CELF5: variants seen among roughly 807,000 people sequenced by gnomAD.
CELF5 encodes the protein CUG-BP and ETR-3 like factor 5.
In CELF5, 6 loss-of-function variants were observed where a neutral mutation model predicts 54.9. That is an observed-to-expected ratio of 0.11 (90% confidence interval 0.06 to 0.22). The LOEUF (loss-of-function observed/expected upper bound fraction) is 0.22, where lower values mean the gene tolerates loss of function less well. Among genes scored for constraint, CELF5 ranks in the 10% least tolerant of loss-of-function variants. The pLI is 1.00. For missense variants in CELF5, 401 were observed against 678.6 expected, an observed-to-expected ratio of 0.59 and a Z score of 4.54; for synonymous variants, 271 against 290.9, an observed-to-expected ratio of 0.93 and a Z score of 0.70.
At chr19:3,270,239 G>C (rs926643494) in intron 2 of CELF5, among the ~76,000 whole-genome samples, 1 of 152,148 alleles carries the variant, frequency 6.6e-6, no homozygotes. Context: ...CTCAGCCTTG[G>C]GGGCCCCAGA....
At chr19:3,257,905 A>C (rs2079754092) in intron 2 of CELF5, among the ~76,000 whole-genome samples, 1 of 149,318 alleles carries the variant, frequency 6.7e-6, no homozygotes, top group Non-Finnish European at 1.5e-5. Flanking sequence ...TGCAGCTTTG[A>C]CCTCCCACCT....
At chr19:3,289,681 CAAAAAAAAAAAAAAAAAAA>C (rs35144942) in intron 10 of CELF5, among the ~76,000 whole-genome samples, 5 of 47,134 alleles carry the variant, frequency 1.1e-4, no homozygotes, top group East Asian at 2.0e-3. Context: ...GACTCCATCT[CAAAAAAAAAAAAAAAAAAA>C]AAAAAAAAAA....
In CELF5 at chr19:3,250,179, G is replaced by A. The variant is rs1284943443; in HGVS notation, c.260-806G>A. 5.9e-5 allele frequency among the ~76,000 whole-genome samples: 9 copies of A among 152,130 alleles called. No homozygotes were observed. The South Asian group carries it at 1.5e-3, about 25-fold the overall frequency. ...AGATATACACAACTTCAAATGTACC[G>A]TCTTAACCATTTTAAATGCATGGTT... is the stretch of plus-strand genomic sequence containing the variant. On this transcript the variant is annotated intron_variant, in intron 1 of 12. Coordinates refer to ENST00000292672, the MANE Select transcript of CELF5 (RefSeq NM_021938.4).
intron 8 of CELF5, 94 bp from the exon 9 acceptor site, chr19:3,284,808 G>T: frequency 9.5e-7 from 1 of 1,049,746 alleles, no homozygotes; most frequent in Non-Finnish European, 1.5e-6. Flanking sequence ...GCTGGGCGGG[G>T]TGTTTGTTGC....
At chr19:3,230,307 G>T (rs1037350374) in intron 1 of CELF5, among the ~76,000 whole-genome samples, 6 of 152,140 alleles carry the variant, frequency 3.9e-5, no homozygotes, top group African/African-American at 1.4e-4. Context: ...ATGGGGCTTT[G>T]AAGGATCGAC....
At position 3,286,006 on chromosome 19, in the gene CELF5, G is replaced by T. The variant is rs1258709844; in HGVS notation, c.1167G>T (p.Leu389=). 1 of 1,573,388 alleles carries T rather than the reference G, an allele frequency of 6.4e-7. No homozygotes were observed. The highest frequency in any genetic ancestry group is 8.6e-7 in the Non-Finnish European group (1 of 1,167,278). The change falls in exon 10 of 13, where the codon CTG becomes CTT. Residue 389 remains leucine, a synonymous_variant. Coordinates refer to ENST00000292672, the MANE Select transcript of CELF5 (RefSeq NM_021938.4). ...GCGTCCCCCAGCCGCCGCCCCTCCT[G>T]CAGCAGCAGCAGCGAGAAGGTGAGG... ...AHSVPQPPPL[L]QQQQREGPEG...
At chr19:3,291,941 T>A (rs1220632969) in intron 11 of CELF5, among the ~76,000 whole-genome samples, 2 of 148,936 alleles carry the variant, frequency 1.3e-5, no homozygotes, top group African/African-American at 4.9e-5. Flanking sequence ...TCTTTTTTTT[T>A]GTTTTGTTTT....
chr19:3,275,767 C>T lies in CELF5; in HGVS notation c.395-89C>T. ...CCGGGCGCCGCGTCTTCCTGCCCTG[C>T]CGCCTCCACTCTGCTGGAGGGAGGG... On this transcript the variant is annotated intron_variant, in intron 3 of 12. Coordinates refer to ENST00000292672, the MANE Select transcript of CELF5 (RefSeq NM_021938.4). This position sits in a 1 kb window ranked among gnomAD's most constrained non-coding sequence, Gnocchi z 6.7. 1 of 1,411,736 alleles carries T rather than the reference C, an allele frequency of 7.1e-7. No homozygotes were observed. The highest frequency in any genetic ancestry group is 1.4e-5 in the South Asian group (1 of 73,200). 87.5% of individuals were successfully genotyped at this position (1,411,736 alleles called of 1,614,324 possible). A position where few individuals can be genotyped will look rare whatever the true frequency, so the allele number is the denominator to read the frequency against.
chr19:3,225,072 C>G (rs1032558222), intron 1 of CELF5, 74 bp downstream of exon 1: 1 of 1,004,112 alleles, frequency 1.0e-6, no homozygotes, highest in Non-Finnish European at 1.4e-6. Context: ...CTTCTCTCCC[C>G]CATCACCATC....
chr19:3,294,704 G>C (rs1018006579), intron 12 of CELF5: 1 of 152,150 alleles, frequency 6.6e-6, no homozygotes, highest in Non-Finnish European at 1.5e-5. Flanking sequence ...GGACGCAGCT[G>C]TGAATGAACA....
chr19:3,297,015 A>AG lies in CELF5; in HGVS notation c.*299dup, dbSNP rs772621150. The AG allele has an allele frequency of 2.7e-5, 2 of 73,642 alleles. No homozygotes were observed. Among genetic ancestry groups the AG allele is most frequent in the African/African-American group, 1.1e-4 (2 of 17,504 alleles). 4.6% of individuals were successfully genotyped at this position (73,642 alleles called of 1,614,324 possible). On this transcript the variant is annotated 3_prime_UTR_variant, in exon 13 of 13. Coordinates refer to ENST00000292672, the MANE Select transcript of CELF5 (RefSeq NM_021938.4). ...TTCAAAACGCCTCTCTTTGGTCTGGAGAAAAAAAAAAAAAAAAAAAAACAA... is the reference window on the plus strand; with the variant it reads ...TTCAAAACGCCTCTCTTTGGTCTGGAGGAAAAAAAAAAAAAAAAAAAAACAA...
At chr19:3,256,892 GT>G (rs1369765467) in intron 2 of CELF5, among the ~76,000 whole-genome samples, 1 of 151,946 alleles carries the variant, frequency 6.6e-6, no homozygotes, top group East Asian at 1.9e-4. Flanking sequence ...CTGAGACAAA[GT>G]TTTGCTGTGT....
In CELF5 at chr19:3,282,228, C is replaced by A; in HGVS notation, c.853C>A (p.Leu285Ile). ...CATCCAGCAGATAGGCGCCGTCAGC[C>A]TCAACGGGCTGCCTGCCACACCCAT... The part of the protein sequence containing the change: ...CHIQQIGAVS[L>I]NGLPATPIAP... Residue 285 changes from leucine to isoleucine, a missense_variant, in exon 7 of 13, where the codon CTC becomes ATC. Leu to Ile is a conservative substitution (Grantham distance 5). Coordinates refer to ENST00000292672, the MANE Select transcript of CELF5 (RefSeq NM_021938.4). The surrounding 1 kb of genome is among the most constrained non-coding windows in gnomAD (Gnocchi z 5.2). 6.2e-7 allele frequency: 1 copy of A among 1,613,518 alleles called. No individual in the cohort carries two copies. The highest frequency in any genetic ancestry group is 1.1e-5 in the South Asian group (1 of 91,084).
intron 1 of CELF5, among the ~76,000 whole-genome samples, chr19:3,240,382 G>A (rs2079474984): frequency 6.6e-6 from 1 of 151,344 alleles, no homozygotes; most frequent in Admixed American, 6.6e-5. Context: ...CTGGAATGCA[G>A]TGGCATAATC....
intron 2 of CELF5, among the ~76,000 whole-genome samples, chr19:3,270,432 G>A (rs2079941632): frequency 6.6e-6 from 1 of 151,948 alleles, no homozygotes; most frequent in Admixed American, 6.5e-5. Context: ...AGAGCCAGAT[G>A]GACGGGCAGG....
intron 10 of CELF5, chr19:3,286,693 C>T (rs2080253539): frequency 7.3e-6 from 1 of 136,934 alleles, no homozygotes; most frequent in African/African-American, 2.8e-5. Flanking sequence ...TATCTCCCCA[C>T]TGGACTCCAG....
chr19:3,270,653 G>C (rs954710840), intron 2 of CELF5: 1 of 150,882 alleles, frequency 6.6e-6, no homozygotes. Context: ...AGCCTGGCGC[G>C]CGTCTCCAGG....
intron 1 of CELF5, among the ~76,000 whole-genome samples, chr19:3,245,384 G>A (rs554281481): frequency 1.4e-5 from 2 of 148,090 alleles, no homozygotes; most frequent in Admixed American, 1.4e-4. Flanking sequence ...GTGTGTGTAT[G>A]CATCTGTGTG....
intron 12 of CELF5, chr19:3,295,434 G>A (rs1336918499): frequency 1.3e-5 from 2 of 151,986 alleles, no homozygotes; most frequent in African/African-American, 2.4e-5. Flanking sequence ...AAACTTTTCC[G>A]ACTTCCTTCC....
Sources: gnomAD v4.1 joint callset for allele counts (sites outside exome capture counted in the v4.1 genomes callset) on GRCh38, gnomAD v4.1.1 for gene constraint, Gnocchi (gnomAD v3.1) non-coding constraint, MANE v1.5 for transcripts, NCBI Gene and HGNC (gene_info 2026-07-23, HGNC 2026-07-21) for gene names.